The following CNTNAP2 variants were observed in gnomAD, a reference collection of about 807,000 sequenced individuals.
CNTNAP2 encodes contactin associated protein 2, also known as contactin-associated protein-like 2.
A neutral mutation model predicts 155.2 loss-of-function variants in CNTNAP2; 98 were observed. That is an observed-to-expected ratio of 0.63 (90% CI 0.54 to 0.75). The LOEUF (loss-of-function observed/expected upper bound fraction) is 0.75. Among genes scored for constraint, CNTNAP2 ranks in the 30% least tolerant of loss-of-function variants. The pLI, the probability that CNTNAP2 is intolerant of heterozygous loss-of-function variation, is 0.00. For missense variants in CNTNAP2, 1,727 were observed against 1,688.1 expected (o/e 1.02, Z -0.40); for synonymous variants, 651 against 631.2 (o/e 1.03, Z -0.47).
Position 148,030,859 on chromosome 7 carries a change from A to G in CNTNAP2, c.2383+52870A>G, listed in dbSNP as rs542073569. ...ACCTGAAATCTGGGAGAGCAGTTTCATCTGAGTCAGGAGGAAATAAGTGGA... is the reference window on the plus strand; with the variant it reads ...ACCTGAAATCTGGGAGAGCAGTTTCGTCTGAGTCAGGAGGAAATAAGTGGA... On this transcript the variant is annotated intron_variant, in intron 15 of 23. Transcript: ENST00000361727. Among the ~76,000 whole-genome samples, 12 of 152,296 alleles carry G rather than the reference A, an allele frequency of 7.9e-5. No homozygotes were observed. The South Asian group carries it at 2.5e-3, about 32-fold the overall frequency.
chr7:146,721,776 T>TATATAGTCTACATATATAGA (rs1801329625), intron 1 of CNTNAP2, among the ~76,000 whole-genome samples: 5 of 123,566 alleles, frequency 4.0e-5, no homozygotes, highest in African/African-American at 1.1e-4. Context: ...ACATATATAT[T>TATATAGTCTACATATATAGA]CTATATATAG....
At chr7:146,620,968 C>G (rs1799306716) in intron 1 of CNTNAP2, among the ~76,000 whole-genome samples, 1 of 152,140 alleles carries the variant, frequency 6.6e-6, no homozygotes, top group African/African-American at 2.4e-5. Flanking sequence ...TATTTATCTT[C>G]TCCATTAATT....
intron 13 of CNTNAP2, among the ~76,000 whole-genome samples, chr7:147,750,343 C>T (rs1797113747): frequency 6.6e-6 from 1 of 152,114 alleles, no homozygotes; most frequent in Non-Finnish European, 1.5e-5. Context: ...ATGTGTATGT[C>T]TGCATAGAGA....
intron 1 of CNTNAP2, among the ~76,000 whole-genome samples, chr7:146,371,606 C>G (rs1795237551): frequency 6.6e-6 from 1 of 151,650 alleles, no homozygotes; most frequent in African/African-American, 2.4e-5. Flanking sequence ...ACCTTGTGAT[C>G]CGCCCACCTC....
intron 2 of CNTNAP2, among the ~76,000 whole-genome samples, chr7:146,815,840 A>G (rs1002236554): frequency 2.0e-5 from 3 of 152,252 alleles, no homozygotes; most frequent in Admixed American, 6.5e-5. Flanking sequence ...TACATGTGCC[A>G]TGTTGGTGTG....
At chr7:146,199,359 C>T (rs1798823808) in intron 1 of CNTNAP2, among the ~76,000 whole-genome samples, 2 of 152,120 alleles carry the variant, frequency 1.3e-5, no homozygotes, top group Admixed American at 1.3e-4. Flanking sequence ...GACAGTTCAA[C>T]AGGCTGAGTC....
intron 9 of CNTNAP2, among the ~76,000 whole-genome samples, chr7:147,370,496 G>C (rs7779279): frequency 6.6e-6 from 1 of 151,534 alleles, no homozygotes; most frequent in East Asian, 2.0e-4. Context: ...TTGTTAAATT[G>C]TTGTAACTTG....
intron 1 of CNTNAP2, among the ~76,000 whole-genome samples, chr7:146,360,308 C>T (rs1795064191): frequency 6.6e-6 from 1 of 152,170 alleles, no homozygotes. Flanking sequence ...ATCAGTTCTA[C>T]ATCTGAGCAC....
intron 9 of CNTNAP2, among the ~76,000 whole-genome samples, chr7:147,375,804 A>C (rs181798785): frequency 1.4e-4 from 22 of 152,156 alleles, no homozygotes; most frequent in Admixed American, 1.2e-3. Context: ...TTGACGTTTC[A>C]GCCTTTATAC....
intron 8 of CNTNAP2, among the ~76,000 whole-genome samples, chr7:147,215,069 C>T (rs1163734685): frequency 6.6e-6 from 1 of 152,118 alleles, no homozygotes; most frequent in Non-Finnish European, 1.5e-5. Flanking sequence ...ATGATCCAAT[C>T]ACCTCCCACC....
intron 3 of CNTNAP2, among the ~76,000 whole-genome samples, chr7:146,976,240 T>C (rs761423839): frequency 2.6e-4 from 39 of 152,294 alleles, no homozygotes; most frequent in Non-Finnish European, 5.3e-4. Context: ...TGTGGGACTT[T>C]CTCTCCATGT....
At chr7:146,438,791 G>T (rs1796279115) in intron 1 of CNTNAP2, among the ~76,000 whole-genome samples, 1 of 151,326 alleles carries the variant, frequency 6.6e-6, no homozygotes, top group Non-Finnish European at 1.5e-5. Flanking sequence ...TTGAGCTTTG[G>T]TTGATATCTC....
intron 15 of CNTNAP2, among the ~76,000 whole-genome samples, chr7:148,111,177 A>G (rs916852364): frequency 6.8e-4 from 103 of 152,164 alleles, no homozygotes; most frequent in Non-Finnish European, 5.3e-4. Flanking sequence ...GTCACCAACT[A>G]TGTAGGATAA....
chr7:148,355,624 G>A (rs1031278745), intron 21 of CNTNAP2, among the ~76,000 whole-genome samples: 2 of 152,152 alleles, frequency 1.3e-5, no homozygotes, highest in African/African-American at 4.8e-5. Context: ...TCAGAATGGC[G>A]TTCCCATAAG....
At chr7:148,127,740 A>G (rs1432872638) in intron 16 of CNTNAP2, among the ~76,000 whole-genome samples, 1 of 152,246 alleles carries the variant, frequency 6.6e-6, no homozygotes, top group Non-Finnish European at 1.5e-5. Context: ...TCACTCTTGT[A>G]GATGTGAAGA....
Position 147,114,897 on chromosome 7 carries a change from C to T in CNTNAP2, c.755-6082C>T, listed in dbSNP as rs144855336. Among the ~76,000 whole-genome samples, 1,009 of 152,224 alleles carry T rather than the reference C, an allele frequency of 6.6e-3. 13 individuals are homozygous for T. The highest frequency in any genetic ancestry group is 0.023 in the African/African-American group (948 of 41,538). The stretch of plus-strand genomic sequence containing the variant: ...TGCAGGCTTGTTTATGTGATTGCTT[C>T]ATAGTGTCACTGGTCTGTGTATTTC... On this transcript the variant is annotated intron_variant, in intron 5 of 23. Transcript: ENST00000361727.
chr7:148,081,374 G>C (rs890726330), intron 15 of CNTNAP2, among the ~76,000 whole-genome samples: 1 of 152,024 alleles, frequency 6.6e-6, no homozygotes, highest in Non-Finnish European at 1.5e-5. Flanking sequence ...TTGAGTCCGT[G>C]GGCTGCAAAA....
At chr7:147,762,155 T>A (rs112799313) in intron 13 of CNTNAP2, among the ~76,000 whole-genome samples, 79 of 144,446 alleles carry the variant, frequency 5.5e-4, no homozygotes, top group African/African-American at 8.7e-4. Flanking sequence ...TCTCTCTGTC[T>A]CACACACACA....
At chr7:147,323,973 T>G (rs1484151283) in intron 9 of CNTNAP2, among the ~76,000 whole-genome samples, 1 of 152,126 alleles carries the variant, frequency 6.6e-6, no homozygotes, top group East Asian at 1.9e-4. Flanking sequence ...CTAAGAGCTT[T>G]TTTTTCTTTA....
Sources: gnomAD v4.1 joint callset for allele counts (sites outside exome capture counted in the v4.1 genomes callset) on GRCh38, gnomAD v4.1.1 for gene constraint, MANE v1.5 for transcripts, NCBI Gene and HGNC (gene_info 2026-07-23, HGNC 2026-07-21) for gene names.